Variants in RNASEH2B observed in about 807,000 individuals in gnomAD.
RNASEH2B encodes the protein ribonuclease H2 subunit B, also known as Aicardi-Goutieres syndrome 2 protein.
RNASEH2B carries 36 observed loss-of-function variants against 45.0 expected under a neutral mutation model. That is an observed-to-expected ratio of 0.80 (90% CI 0.61 to 1.06). The LOEUF (loss-of-function observed/expected upper bound fraction) is 1.06, where lower values mean the gene tolerates loss of function less well. Among genes scored for constraint, RNASEH2B ranks in the 50% least tolerant of loss-of-function variants. The pLI is 0.00. For synonymous variants in RNASEH2B, 119 were observed against 125.7 expected (o/e 0.95, Z 0.35); for missense variants, 361 against 360.3 (o/e 1.00, Z -0.02).
Position 50,970,124 on chromosome 13 carries a change from C to T in RNASEH2B, c.*160C>T. On this transcript the variant is annotated 3_prime_UTR_variant, in exon 10 of 10. Transcript: ENST00000422660. ...AAATGCTTTATTTCTTTGATTAGTA[C>T]CACTAGTCTATGTGGGCAGCGGCAT... 9.7e-6 allele frequency: 7 copies of T among 721,768 alleles called. No individual in the cohort carries two copies. In the South Asian group the frequency reaches 1.1e-4, roughly 11 times the overall value. The allele number at this position is 721,768 out of a possible 1,614,324, so 44.7% of individuals were successfully genotyped here.
intron 1 of RNASEH2B, 159 bp from the exon 2 acceptor site, chr13:50,927,248 A>G (rs1951609826): frequency 3.5e-6 from 2 of 571,588 alleles, no homozygotes; most frequent in Non-Finnish European, 6.4e-6. Context: ...TTGCAGAGAA[A>G]TTGGTAATTT....
Position 50,956,369 on chromosome 13 carries a change from A to G in RNASEH2B, c.834A>G (p.Lys278=), listed in dbSNP as rs750279427. ...ATTTTCATTAACAGAAAAATAGCAA[A>G]ATGACTGCAGCTCAGAAGGCTTTGG... ...KDLKTEKKNS[K]MTAAQKALAK... The change falls in exon 11 of 11, where the codon AAA becomes AAG. Residue 278 remains lysine (K), a synonymous_variant. Transcript: ENST00000336617. 1 of 1,599,744 alleles carries G rather than the reference A, an allele frequency of 6.3e-7. No homozygotes were observed. The highest frequency in any genetic ancestry group is 2.2e-5 in the East Asian group (1 of 44,524).
chr13:50,909,949 C>G lies in RNASEH2B; in HGVS notation c.-128C>G. On this transcript the variant is annotated 5_prime_UTR_variant, in exon 1 of 11. Transcript: ENST00000336617. ...CGAAATTCGGTCCCTGGGCCTCCTC[C>G]CGGGCGCTGCCGGTCCCTCAGCGCG... 1.4e-6 allele frequency: 1 copy of G among 698,438 alleles called. No homozygotes were observed. Among genetic ancestry groups the G allele is most frequent in the Non-Finnish European group, 2.2e-6 (1 of 454,956 alleles). 43.3% of individuals were successfully genotyped at this position (698,438 alleles called of 1,614,324 possible).
chr13:50,930,559 G>T, intron 3 of RNASEH2B, 124 bp from the exon 4 acceptor site: 1 of 777,538 alleles, frequency 1.3e-6, no homozygotes, highest in Non-Finnish European at 2.3e-6. Context: ...TGTATAAGAA[G>T]AGATTTGAAT....
intron 5 of RNASEH2B, 71 bp downstream of exon 5, chr13:50,935,070 G>T: frequency 5.4e-6 from 5 of 933,790 alleles, no homozygotes; most frequent in Non-Finnish European, 7.0e-6. Context: ...GCTGCTTACA[G>T]ACACACTGAA....
intron 1 of RNASEH2B, chr13:50,915,619 G>A (rs1029574619): frequency 5.0e-6 from 2 of 396,340 alleles, no homozygotes; most frequent in East Asian, 3.6e-5. Flanking sequence ...TGGCCATTTC[G>A]CTTCTCAGTG....
intron 5 of RNASEH2B, chr13:50,943,080 T>G: frequency 2.4e-6 from 1 of 422,886 alleles, no homozygotes; most frequent in Non-Finnish European, 4.2e-6. Flanking sequence ...ACAGAGTTGT[T>G]TGTATAATTT....
downstream of RNASEH2B, among the ~76,000 whole-genome samples, chr13:50,960,779 G>C (rs910066994): frequency 6.6e-6 from 1 of 152,188 alleles, no homozygotes; most frequent in Non-Finnish European, 1.5e-5. Context: ...TTAGGCTTTA[G>C]CGTTAGAATT....
chr13:50,930,881 T>A, intron 4 of RNASEH2B, 122 bp downstream of exon 4: 1 of 807,908 alleles, frequency 1.2e-6, no homozygotes, highest in Non-Finnish European at 2.2e-6. Flanking sequence ...TTATAGTGAC[T>A]AGAGAAAACA....
chr13:50,947,128 T>C (rs779560562), intron 7 of RNASEH2B, among the ~76,000 whole-genome samples: 1 of 152,150 alleles, frequency 6.6e-6, no homozygotes, highest in South Asian at 2.1e-4. Flanking sequence ...GCAGCAAACC[T>C]GGGGTCTGCT....
At chr13:50,928,872 A>G (rs971434591) in intron 2 of RNASEH2B, among the ~76,000 whole-genome samples, 9 of 148,772 alleles carry the variant, frequency 6.0e-5, no homozygotes, top group African/African-American at 2.2e-4. Flanking sequence ...TTTTTTTTTC[A>G]TTAGTTGAAG....
At chr13:50,933,888 T>C (rs1437982700) in intron 4 of RNASEH2B, 1 of 152,168 alleles carries the variant, frequency 6.6e-6, no homozygotes, top group African/African-American at 2.4e-5. Flanking sequence ...AAAAAGAACA[T>C]TTAAATTGAG....
intron 10 of RNASEH2B, chr13:50,954,310 C>A: frequency 2.0e-6 from 1 of 500,482 alleles, no homozygotes. Context: ...TGCCCAGAAG[C>A]AGAAATTATG....
chr13:50,940,267 T>C (rs374675968), intron 5 of RNASEH2B, among the ~76,000 whole-genome samples: 1 of 152,184 alleles, frequency 6.6e-6, no homozygotes. Flanking sequence ...CATGGGAGAA[T>C]TGACTACATA....
intron 7 of RNASEH2B, among the ~76,000 whole-genome samples, chr13:50,947,277 A>G (rs191978083): frequency 2.8e-4 from 42 of 152,210 alleles, no homozygotes; most frequent in Admixed American, 9.2e-4. Flanking sequence ...TGTATTTCTA[A>G]TTGCTGCCAG....
At chr13:50,940,246 A>G (rs1414380870) in intron 5 of RNASEH2B, among the ~76,000 whole-genome samples, 1 of 152,226 alleles carries the variant, frequency 6.6e-6, no homozygotes, top group Non-Finnish European at 1.5e-5. Context: ...GTGACCTGTG[A>G]TCTGGGTAGC....
At chr13:50,927,373 G>T in intron 1 of RNASEH2B, 34 bp from the exon 2 acceptor site, 1 of 1,292,232 alleles carries the variant, frequency 7.7e-7, no homozygotes. Context: ...ACAGCTGTGT[G>T]TTTTAATTTT....
At chr13:50,924,324 G>A (rs1224931958) in intron 1 of RNASEH2B, among the ~76,000 whole-genome samples, 1 of 152,130 alleles carries the variant, frequency 6.6e-6, no homozygotes, top group East Asian at 1.9e-4. Context: ...AACAAAAATA[G>A]TTTGAAAATA....
chr13:50,923,127 G>T (rs1951546062), intron 1 of RNASEH2B, among the ~76,000 whole-genome samples: 1 of 152,160 alleles, frequency 6.6e-6, no homozygotes, highest in South Asian at 2.1e-4. Flanking sequence ...TATCCAGGGT[G>T]AGGAACATAA....
Sources: allele counts gnomAD v4.1 joint callset (sites outside exome capture counted in the v4.1 genomes callset), GRCh38; gene constraint gnomAD v4.1.1; transcripts MANE v1.5; gene names NCBI Gene and HGNC (gene_info 2026-07-23, HGNC 2026-07-21).